TMEM163: variants seen among roughly 807,000 people sequenced by gnomAD.
The protein encoded by TMEM163 is transmembrane protein 163.
A neutral mutation model predicts 29.3 loss-of-function variants in TMEM163; 17 were observed. The ratio of observed to expected loss-of-function variants is 0.58; its 90% CI spans 0.40 to 0.87. The LOEUF (loss-of-function observed/expected upper bound fraction) is 0.87. TMEM163 is among the 40% of genes least tolerant of loss of function. TMEM163 has a pLI of 0.00. For missense variants in TMEM163, 303 were observed against 381.5 expected (o/e 0.79, Z 1.71); for synonymous variants, 157 against 160.6 (o/e 0.98, Z 0.17).
At chr2:134,518,984 T>C (rs923800270) in intron 4 of TMEM163, among the ~76,000 whole-genome samples, 6 of 152,164 alleles carry the variant, frequency 3.9e-5, no homozygotes, top group African/African-American at 9.7e-5. Context: ...CAAACATCCA[T>C]GTGAACAAAC....
chr2:134,691,568 A>C (rs1460650904), intron 2 of TMEM163, among the ~76,000 whole-genome samples: 2 of 152,226 alleles, frequency 1.3e-5, no homozygotes, highest in Admixed American at 1.3e-4. Context: ...GCTCATACAG[A>C]CATGCACACA....
intron 1 of TMEM163, among the ~76,000 whole-genome samples, chr2:134,718,031 A>G (rs954284018): frequency 2.6e-5 from 4 of 152,220 alleles, no homozygotes; most frequent in African/African-American, 9.6e-5. Context: ...AAGGGTCTGC[A>G]GACGCGCCCT....
rs1011091328 is a variant in TMEM163 at position 134,460,602 on chromosome 2, C to T, written c.668-2429G>A. ...CAGGCAGGCATGGGCCCAGCCTGAG[C>T]GCCACCCCTGCCTGGCTCCCGCAGA... On this transcript the variant is annotated intron_variant, in intron 6 of 7. Transcript: ENST00000281924. The surrounding 1 kb of genome is among the most constrained non-coding windows in gnomAD (Gnocchi z 4.3). Among the ~76,000 whole-genome samples the T allele has an allele frequency of 6.6e-6, 1 of 152,158 alleles. No individual in the cohort carries two copies. The highest frequency in any genetic ancestry group is 1.5e-5 in the Non-Finnish European group (1 of 68,022).
At chr2:134,684,754 T>C (rs1293337314) in intron 2 of TMEM163, among the ~76,000 whole-genome samples, 1 of 151,804 alleles carries the variant, frequency 6.6e-6, no homozygotes, top group Non-Finnish European at 1.5e-5. Flanking sequence ...TGAAACTCCA[T>C]CTCTACTAAA....
intron 1 of TMEM163, 32 bp downstream of exon 1, chr2:134,718,702 G>A: frequency 1.8e-6 from 2 of 1,136,660 alleles, no homozygotes; most frequent in Non-Finnish European, 2.2e-6. Context: ...AGCCACCCCG[G>A]TCGCCGGCCG....
intron 2 of TMEM163, among the ~76,000 whole-genome samples, chr2:134,668,345 A>G (rs900258524): frequency 2.0e-5 from 3 of 152,132 alleles, no homozygotes; most frequent in African/African-American, 4.8e-5. Context: ...TGGAAGGGGA[A>G]GGACGGCAGT....
chr2:134,595,989 T>C (rs1456576667), intron 2 of TMEM163, among the ~76,000 whole-genome samples: 1 of 152,236 alleles, frequency 6.6e-6, no homozygotes, highest in Non-Finnish European at 1.5e-5. Flanking sequence ...TTTGTTTGAG[T>C]TCTTTGTAGA....
At chr2:134,548,444 C>A (rs1317578413) in intron 4 of TMEM163, among the ~76,000 whole-genome samples, 1 of 152,152 alleles carries the variant, frequency 6.6e-6, no homozygotes, top group East Asian at 1.9e-4. Context: ...GCTATAGAAC[C>A]AAAGATGACA....
intron 2 of TMEM163, among the ~76,000 whole-genome samples, chr2:134,570,161 G>GA (rs143676498): frequency 0.013 from 1,869 of 148,662 alleles, 37 homozygotes; most frequent in African/African-American, 0.043. Flanking sequence ...AATAAGGAAA[G>GA]AAAAAAAAAA....
At chr2:134,671,521 G>T (rs1311149039) in intron 2 of TMEM163, among the ~76,000 whole-genome samples, 1 of 152,184 alleles carries the variant, frequency 6.6e-6, no homozygotes, top group African/African-American at 2.4e-5. Context: ...GCACATGGCT[G>T]CTGCTGCATG....
chr2:134,487,133 C>T (rs917387037), intron 5 of TMEM163, among the ~76,000 whole-genome samples: 3 of 152,002 alleles, frequency 2.0e-5, no homozygotes, highest in Admixed American at 6.6e-5. Flanking sequence ...ATATTGAAAA[C>T]CTTGGCTAAT....
chr2:134,682,396 G>A (rs1408120711), intron 2 of TMEM163, among the ~76,000 whole-genome samples: 1 of 152,208 alleles, frequency 6.6e-6, no homozygotes, highest in African/African-American at 2.4e-5. Flanking sequence ...GGTCAAAGCT[G>A]TGTCTCAGTC....
intron 6 of TMEM163, among the ~76,000 whole-genome samples, chr2:134,461,624 A>G (rs1363268175): frequency 6.6e-6 from 1 of 152,204 alleles, no homozygotes; most frequent in African/African-American, 2.4e-5. Flanking sequence ...ATCAGACCAG[A>G]TTCACTGCAC....
chr2:134,482,331 T>C (rs777856075), intron 5 of TMEM163, among the ~76,000 whole-genome samples: 3 of 152,186 alleles, frequency 2.0e-5, no homozygotes, highest in South Asian at 4.1e-4. Flanking sequence ...CAGGTCACGA[T>C]GAACTGTGGC....
chr2:134,461,102 C>T (rs1336383321), intron 6 of TMEM163, among the ~76,000 whole-genome samples: 1 of 152,240 alleles, frequency 6.6e-6, no homozygotes, highest in Non-Finnish European at 1.5e-5. Context: ...TCACTCCCCT[C>T]TGCAGTGCCA....
chr2:134,540,900 C>T (rs1348307007), intron 4 of TMEM163, among the ~76,000 whole-genome samples: 1 of 152,140 alleles, frequency 6.6e-6, no homozygotes, highest in African/African-American at 2.4e-5. Flanking sequence ...CTACTACATG[C>T]CAAGCATGAG....
At chr2:134,465,650 G>A (rs1686655736) in intron 6 of TMEM163, among the ~76,000 whole-genome samples, 1 of 152,206 alleles carries the variant, frequency 6.6e-6, no homozygotes. Flanking sequence ...AAACACACAG[G>A]TCATTTCCCC....
chr2:134,478,622 T>C (rs1044639371), intron 5 of TMEM163, among the ~76,000 whole-genome samples: 6 of 152,190 alleles, frequency 3.9e-5, no homozygotes, highest in African/African-American at 1.4e-4. Flanking sequence ...AGAGATGGTG[T>C]GGCTGCATCT....
chr2:134,477,397 T>C (rs1196262237), intron 5 of TMEM163, among the ~76,000 whole-genome samples: 1 of 152,188 alleles, frequency 6.6e-6, no homozygotes, highest in Non-Finnish European at 1.5e-5. Flanking sequence ...ATAAGAAGCA[T>C]GGTATATACA....
Sources: allele counts gnomAD v4.1 joint callset (sites outside exome capture counted in the v4.1 genomes callset), GRCh38; gene constraint gnomAD v4.1.1; non-coding constraint Gnocchi (gnomAD v3.1); transcripts MANE v1.5; gene names NCBI Gene and HGNC (gene_info 2026-07-23, HGNC 2026-07-21).